CAMK2G: variants seen among roughly 807,000 people sequenced by gnomAD.
CAMK2G encodes the protein calcium/calmodulin-dependent protein kinase type II subunit gamma.
Under a neutral mutation model 88.7 loss-of-function variants are expected in CAMK2G, and 23 were observed. That is an observed-to-expected ratio of 0.26 (90% CI 0.19 to 0.37). CAMK2G has a LOEUF of 0.37. Ranked by LOEUF, CAMK2G falls within the 10% of genes least tolerant of loss-of-function variation. CAMK2G has a pLI of 1.00. For synonymous variants in CAMK2G, 263 were observed against 294.8 expected, an observed-to-expected ratio of 0.89 and a Z score of 1.11; for missense variants, 476 against 780.8, an observed-to-expected ratio of 0.61 and a Z score of 4.65.
chr10:73,860,449 A>C (rs1214270741), intron 3 of CAMK2G, among the ~76,000 whole-genome samples: 1 of 152,110 alleles, frequency 6.6e-6, no homozygotes. Context: ...CAGGTCCACA[A>C]ACAAAATCCT....
intron 9 of CAMK2G, 94 bp from the exon 10 acceptor site, chr10:73,847,441 ATACTCTGTGG>A: frequency 2.2e-6 from 3 of 1,371,376 alleles, no homozygotes; most frequent in Non-Finnish European, 3.1e-6. Flanking sequence ...TGTAATTGGG[ATACTCTGTGG>A]TACCTAAAGC....
chr10:73,819,356 C>T (rs572569206), intron 19 of CAMK2G, among the ~76,000 whole-genome samples, 176 bp downstream of exon 19: 2 of 152,232 alleles, frequency 1.3e-5, no homozygotes, highest in Admixed American at 6.5e-5. Context: ...ACTCAGGGGC[C>T]CCTGCCTGGT....
intron 17 of CAMK2G, among the ~76,000 whole-genome samples, chr10:73,823,174 T>C (rs1487296030): frequency 2.0e-5 from 3 of 152,144 alleles, no homozygotes; most frequent in African/African-American, 7.2e-5. Context: ...CTCTCTACTT[T>C]CTGCCATTTT....
chr10:73,863,931 T>C (rs1188681137), intron 2 of CAMK2G, among the ~76,000 whole-genome samples: 1 of 152,220 alleles, frequency 6.6e-6, no homozygotes, highest in Non-Finnish European at 1.5e-5. Flanking sequence ...GATTCTAAGC[T>C]GTGGAGTATG....
intron 12 of CAMK2G, among the ~76,000 whole-genome samples, chr10:73,840,152 A>G (rs1590476196): frequency 6.6e-6 from 1 of 151,770 alleles, no homozygotes; most frequent in Admixed American, 6.6e-5. Flanking sequence ...ATGCCCCCCA[A>G]CCCCTCAGAG....
intron 3 of CAMK2G, among the ~76,000 whole-genome samples, chr10:73,857,752 G>C (rs1057017392): frequency 6.6e-6 from 1 of 152,142 alleles, no homozygotes; most frequent in African/African-American, 2.4e-5. Flanking sequence ...TCAGACCTCA[G>C]ACCTCACACC....
intron 17 of CAMK2G, among the ~76,000 whole-genome samples, chr10:73,822,219 G>A (rs2089152188): frequency 6.6e-6 from 1 of 152,164 alleles, no homozygotes; most frequent in African/African-American, 2.4e-5. Flanking sequence ...ACAGGCTGGA[G>A]TGCAATGGCA....
intron 5 of CAMK2G, among the ~76,000 whole-genome samples, chr10:73,850,543 C>T (rs1397432163): frequency 6.6e-6 from 1 of 152,226 alleles, no homozygotes. Context: ...AAATGTCTGC[C>T]ACAATGCACA....
At position 73,847,859 on chromosome 10, in the gene CAMK2G, G is replaced by C. The variant is rs549968420; in HGVS notation, c.696+129C>G. 8.2e-6 allele frequency: 5 copies of C among 610,938 alleles called. No homozygotes were observed. In the South Asian group the frequency reaches 1.0e-4, roughly 13 times the overall value. 37.8% of individuals were successfully genotyped at this position (610,938 alleles called of 1,614,324 possible). On this transcript the variant is annotated intron_variant, in intron 9 of 22. Transcript: ENST00000423381. ...AATTGGGCCCTGGATGCCCATTCCT[G>C]GGTCCTCAAAGTCCCCTGACACCCC...
At position 73,842,691 on chromosome 10, in the gene CAMK2G, C is replaced by T. The variant is rs931034949; in HGVS notation, c.820-150G>A. 17 of 613,792 alleles carry T rather than the reference C, an allele frequency of 2.8e-5. No individual in the cohort carries two copies. The highest frequency in any genetic ancestry group is 4.4e-5 in the Non-Finnish European group (15 of 343,926). The allele number at this position is 613,792 out of a possible 1,614,324, so 38.0% of individuals were successfully genotyped here. A position where few individuals can be genotyped will look rare whatever the true frequency, so the allele number is the denominator to read the frequency against. ...TGAAATGAGGTCACAGATGTGAAAACGCTTTTAGAATAAAAGCACTACCCG... is the reference window on the plus strand; with the variant it reads ...TGAAATGAGGTCACAGATGTGAAAATGCTTTTAGAATAAAAGCACTACCCG... On this transcript the variant is annotated intron_variant, in intron 10 of 22. Coordinates refer to ENST00000423381, the MANE Select transcript of CAMK2G (RefSeq NM_001367534.1). This position sits in a 1 kb window ranked among gnomAD's most constrained non-coding sequence, Gnocchi z 4.6.
Position 73,862,924 on chromosome 10 carries a change from G to A in CAMK2G, c.161-2035C>T, listed in dbSNP as rs149027125. On this transcript the variant is annotated intron_variant, in intron 2 of 22. Coordinates refer to ENST00000423381, the MANE Select transcript of CAMK2G (RefSeq NM_001367534.1). ...ATCCCATTAGGTAAATGCTATGATT[G>A]TCCACATTTCCAGATGATGGAAGAA... Among the ~76,000 whole-genome samples the A allele has an allele frequency of 4.8e-3, 729 of 152,306 alleles. 8 individuals are homozygous for A. The highest frequency in any genetic ancestry group is 0.017 in the African/African-American group (705 of 41,558).
At chr10:73,846,153 T>TAG (rs2094226046) in intron 10 of CAMK2G, among the ~76,000 whole-genome samples, 1 of 152,148 alleles carries the variant, frequency 6.6e-6, no homozygotes, top group South Asian at 2.1e-4. Context: ...CCTTAAATGA[T>TAG]TCCCTATGTT....
Position 73,870,649 on chromosome 10 carries a change from C to A in CAMK2G, c.160+2340G>T, listed in dbSNP as rs190769231. The stretch of plus-strand genomic sequence containing the variant: ...AGGCAGGAAGACCCAGTGAACACAG[C>A]AAGCCCCTTCAGACCTTCACAGATG... On this transcript the variant is annotated intron_variant, in intron 2 of 22. Transcript: ENST00000423381. Among the ~76,000 whole-genome samples the A allele has an allele frequency of 2.0e-5, 3 of 152,344 alleles. No homozygotes were observed. The East Asian group carries it at 5.8e-4, about 29-fold the overall frequency.
intron 14 of CAMK2G, among the ~76,000 whole-genome samples, chr10:73,828,872 T>C (rs1365486193): frequency 6.6e-6 from 1 of 152,142 alleles, no homozygotes; most frequent in Non-Finnish European, 1.5e-5. Context: ...CTCACGAACT[T>C]TACGTTCACA....
rs763255076 is a variant in CAMK2G, at chr10:73,817,479, G to A, written c.1439C>T (p.Thr480Met). Residue 480 changes from threonine to methionine, a missense_variant and splice_region_variant, in exon 20 of 23, where the codon ACG (threonine) becomes ATG (methionine). Thr to Met is a moderately conservative substitution (Grantham distance 81). Coordinates refer to ENST00000423381, the MANE Select transcript of CAMK2G (RefSeq NM_001367534.1). The stretch of plus-strand genomic sequence containing the variant: ...CAAAAAAAAATGGGTCTCTACTTAC[G>A]TGTAGGCCTCAAAGTCCCCATTGTT... ...AINNGDFEAY[T>M]KICDPGLTSF... 2.7e-5 allele frequency: 44 copies of A among 1,600,132 alleles called. No homozygotes were observed. The highest frequency in any genetic ancestry group is 1.2e-4 in the South Asian group (11 of 90,800).
intron 1 of CAMK2G, chr10:73,873,475 G>A (rs1363502928): frequency 9.6e-6 from 10 of 1,044,020 alleles, no homozygotes; most frequent in Non-Finnish European, 1.2e-5. Context: ...CTCTCAGCAG[G>A]AACAGTTGAA....
intron 17 of CAMK2G, 127 bp downstream of exon 17, chr10:73,823,913 C>T (rs747996222): frequency 3.0e-5 from 23 of 776,604 alleles, no homozygotes; most frequent in Non-Finnish European, 5.1e-5. Context: ...ACTGTGGGCA[C>T]AGGCTACCTT....
chr10:73,816,875 C>A, intron 21 of CAMK2G, 148 bp downstream of exon 21: 2 of 1,604,798 alleles, frequency 1.2e-6, no homozygotes, highest in Non-Finnish European at 8.5e-7. Context: ...ACCATCGGGG[C>A]ACAAGGGGAC....
At chr10:73,866,260 A>T (rs1020294343) in intron 2 of CAMK2G, among the ~76,000 whole-genome samples, 24 of 152,166 alleles carry the variant, frequency 1.6e-4, no homozygotes, top group Non-Finnish European at 2.9e-4. Flanking sequence ...GAGGCAGAAA[A>T]GAGGAAGCAG....
Sources: gnomAD v4.1 joint callset for allele counts (sites outside exome capture counted in the v4.1 genomes callset) on GRCh38, gnomAD v4.1.1 for gene constraint, Gnocchi (gnomAD v3.1) non-coding constraint, MANE v1.5 for transcripts, NCBI Gene and HGNC (gene_info 2026-07-23, HGNC 2026-07-21) for gene names.